Variants in PTDSS1 observed in about 807,000 individuals in gnomAD.
PTDSS1 encodes phosphatidylserine synthase 1.
In PTDSS1, 45 loss-of-function variants were observed where a neutral mutation model predicts 70.5. The ratio of observed to expected loss-of-function variants is 0.64; its 90% CI spans 0.50 to 0.82. The LOEUF (loss-of-function observed/expected upper bound fraction) is 0.82, where lower values mean the gene tolerates loss of function less well. PTDSS1 is among the 40% of genes least tolerant of loss of function. The pLI is 0.00. For missense variants in PTDSS1, 417 were observed against 586.1 expected, an observed-to-expected ratio of 0.71 and a Z score of 2.98; for synonymous variants, 188 against 203.8, an observed-to-expected ratio of 0.92 and a Z score of 0.66.
chr8:96,311,151 G>A (rs1811206491), intron 9 of PTDSS1, among the ~76,000 whole-genome samples: 1 of 152,164 alleles, frequency 6.6e-6, no homozygotes, highest in Non-Finnish European at 1.5e-5. Flanking sequence ...TTAAATGTGA[G>A]ACCCTCTTGA....
chr8:96,322,975 G>T (rs1352909762), intron 10 of PTDSS1, among the ~76,000 whole-genome samples: 1 of 152,190 alleles, frequency 6.6e-6, no homozygotes, highest in African/African-American at 2.4e-5. Context: ...ATACAATAAT[G>T]GGACAGGCAT....
At chr8:96,271,309 G>A (rs1352835790) in intron 1 of PTDSS1, among the ~76,000 whole-genome samples, 1 of 152,096 alleles carries the variant, frequency 6.6e-6, no homozygotes, top group African/African-American at 2.4e-5. Context: ...CTACTATTCT[G>A]CAATTTGCTT....
rs774988908 is a variant in PTDSS1 at position 96,333,697 on chromosome 8, A to G, written c.*131A>G. On this transcript the variant is annotated 3_prime_UTR_variant, in exon 13 of 13. Coordinates refer to ENST00000517309, the MANE Select transcript of PTDSS1 (RefSeq NM_014754.3). ...GAAGAGGCGAGGGCACTTGGGGGTC[A>G]TTATTTGAGATCGTAAGTCTTGTTT... is the stretch of plus-strand genomic sequence containing the variant. The G allele has an allele frequency of 5.9e-6, 5 of 842,748 alleles. No homozygotes were observed. Among genetic ancestry groups the G allele is most frequent in the Non-Finnish European group, 8.0e-6 (4 of 501,838 alleles). The allele number at this position is 842,748 out of a possible 1,614,324, so 52.2% of individuals were successfully genotyped here.
At chr8:96,330,898 G>T in intron 11 of PTDSS1, 128 bp from the exon 12 acceptor site, 3 of 715,214 alleles carry the variant, frequency 4.2e-6, no homozygotes, top group Middle Eastern at 7.6e-4. Flanking sequence ...GCACAGGGAG[G>T]TTCTGTCACT....
In PTDSS1 at chr8:96,262,264, A is replaced by G. The variant is rs565225132; in HGVS notation, c.179+45A>G. 52 of 1,472,772 alleles carry G rather than the reference A, an allele frequency of 3.5e-5. No homozygotes were observed. The South Asian group carries it at 5.5e-4, about 16-fold the overall frequency. 91.2% of individuals were successfully genotyped at this position (1,472,772 alleles called of 1,614,324 possible). A position where few individuals can be genotyped will look rare whatever the true frequency, so the allele number is the denominator to read the frequency against. On this transcript the variant is annotated intron_variant, in intron 1 of 12. Transcript: ENST00000517309. This position sits in a 1 kb window ranked among gnomAD's most constrained non-coding sequence, Gnocchi z 4.4. ...CGGGGGGCGCGTCCAAGGGCTAGGGAAGAGGCGGGAGGGAGGGTGGCGGGG... is the reference window on the plus strand; with the variant it reads ...CGGGGGGCGCGTCCAAGGGCTAGGGGAGAGGCGGGAGGGAGGGTGGCGGGG...
At chr8:96,312,092 C>T (rs1179205575) in intron 9 of PTDSS1, among the ~76,000 whole-genome samples, 1 of 152,086 alleles carries the variant, frequency 6.6e-6, no homozygotes, top group Non-Finnish European at 1.5e-5. Context: ...AGAGAGAGGT[C>T]GCATCATGAC....
At chr8:96,330,325 C>G in intron 11 of PTDSS1, 44 bp downstream of exon 11, 2 of 1,562,908 alleles carry the variant, frequency 1.3e-6, no homozygotes, top group Non-Finnish European at 1.8e-6. Flanking sequence ...AAAATAATCA[C>G]CCCGGGCTCG....
intron 10 of PTDSS1, among the ~76,000 whole-genome samples, chr8:96,327,284 A>T (rs11782664): frequency 0.92 from 139,541 of 152,134 alleles, 64,187 homozygotes; most frequent in African/African-American, 0.94. Context: ...AGGCTGGGAT[A>T]CCTTAATAAG....
At chr8:96,273,419 C>A in intron 2 of PTDSS1, 29 bp downstream of exon 2, 1 of 1,518,126 alleles carries the variant, frequency 6.6e-7, no homozygotes, top group South Asian at 1.2e-5. Context: ...TACCACATTT[C>A]TCCTATATTG....
chr8:96,273,289 C>T lies in PTDSS1; in HGVS notation c.180-10C>T. The T allele has an allele frequency of 6.3e-7, 1 of 1,575,726 alleles. No homozygotes were observed. The highest frequency in any genetic ancestry group is 1.4e-5 in the African/African-American group (1 of 73,058). On this transcript the variant is annotated splice_polypyrimidine_tract_variant and intron_variant, in intron 1 of 12. Transcript: ENST00000517309. ...AAAGTAAATGCTCAATGTTGTTTTT[C>T]TATTTTCAGGGATGACTCTGTTCCA... is the stretch of plus-strand genomic sequence containing the variant.
At chr8:96,273,005 G>T (rs1176048313) in intron 1 of PTDSS1, among the ~76,000 whole-genome samples, 1 of 152,150 alleles carries the variant, frequency 6.6e-6, no homozygotes, top group Non-Finnish European at 1.5e-5. Context: ...CAGTTGTTAG[G>T]TGTCTATTAA....
chr8:96,298,176 G>C (rs1207834613), intron 5 of PTDSS1, among the ~76,000 whole-genome samples: 1 of 152,086 alleles, frequency 6.6e-6, no homozygotes, highest in Admixed American at 6.5e-5. Flanking sequence ...GTAGTACCAG[G>C]CCCCTGGGGT....
At chr8:96,302,892 T>A (rs1811071373) in intron 6 of PTDSS1, among the ~76,000 whole-genome samples, 1 of 152,198 alleles carries the variant, frequency 6.6e-6, no homozygotes, top group Non-Finnish European at 1.5e-5. Flanking sequence ...TCAGGATGTC[T>A]GCTTTCTTGA....
chr8:96,296,110 G>A (rs1215037260), intron 5 of PTDSS1, among the ~76,000 whole-genome samples: 1 of 148,456 alleles, frequency 6.7e-6, no homozygotes, highest in African/African-American at 2.5e-5. Context: ...CTCCCTGTGC[G>A]TGTCTGAGCC....
intron 3 of PTDSS1, among the ~76,000 whole-genome samples, chr8:96,285,786 T>G (rs1810814433): frequency 6.6e-6 from 1 of 152,110 alleles, no homozygotes; most frequent in Non-Finnish European, 1.5e-5. Context: ...AACCAAGAAC[T>G]CCAGATTGAG....
At chr8:96,312,436 A>G (rs1470875140) in intron 9 of PTDSS1, among the ~76,000 whole-genome samples, 7 of 151,250 alleles carry the variant, frequency 4.6e-5, no homozygotes, top group African/African-American at 1.7e-4. Context: ...TCCCACCCGG[A>G]TGACAGAGCA....
intron 9 of PTDSS1, among the ~76,000 whole-genome samples, chr8:96,310,211 C>T (rs1358988733): frequency 1.4e-5 from 2 of 148,014 alleles, no homozygotes; most frequent in Non-Finnish European, 3.0e-5. Flanking sequence ...CTGTCCCAGG[C>T]TGGAGGGCAG....
chr8:96,304,630 G>A (rs1314397182), intron 7 of PTDSS1, among the ~76,000 whole-genome samples: 1 of 152,196 alleles, frequency 6.6e-6, no homozygotes, highest in African/African-American at 2.4e-5. Context: ...TGGGGAATTG[G>A]AGCCTTTTGC....
At chr8:96,294,456 T>C (rs912546456) in intron 4 of PTDSS1, among the ~76,000 whole-genome samples, 1 of 152,184 alleles carries the variant, frequency 6.6e-6, no homozygotes, top group African/African-American at 2.4e-5. Flanking sequence ...AAAACAAAGA[T>C]ATTAGAAATG....
Sources: allele counts gnomAD v4.1 joint callset (sites outside exome capture counted in the v4.1 genomes callset), GRCh38; gene constraint gnomAD v4.1.1; non-coding constraint Gnocchi (gnomAD v3.1); transcripts MANE v1.5; gene names NCBI Gene and HGNC (gene_info 2026-07-23, HGNC 2026-07-21).